The following SLC9B1 variants were observed in gnomAD, a reference collection of about 807,000 sequenced individuals.
The protein encoded by SLC9B1 is solute carrier family 9 member B1, also known as sodium/hydrogen exchanger 9B1.
Under a neutral mutation model 51.7 loss-of-function variants are expected in SLC9B1, and 32 were observed. The ratio of observed to expected loss-of-function variants is 0.62; its 90% CI spans 0.47 to 0.83. SLC9B1 has a LOEUF of 0.83. Among genes scored for constraint, SLC9B1 ranks in the 40% least tolerant of loss-of-function variants. The probability of loss-of-function intolerance (pLI) is 0.00; values close to 1 mark genes in which losing one functional copy is unlikely to be tolerated. For missense variants in SLC9B1, 406 were observed against 613.2 expected (o/e 0.66, Z 3.57); for synonymous variants, 145 against 212.7 (o/e 0.68, Z 2.77).
chr4:102,902,377 G>A (rs933534266), intron 11 of SLC9B1, among the ~76,000 whole-genome samples: 1 of 152,058 alleles, frequency 6.6e-6, no homozygotes, highest in African/African-American at 2.4e-5. Flanking sequence ...ATTTAAAATG[G>A]TATCATTTTT....
At chr4:102,945,599 A>C (rs1737228492) in intron 5 of SLC9B1, among the ~76,000 whole-genome samples, 1 of 152,072 alleles carries the variant, frequency 6.6e-6, no homozygotes, top group Non-Finnish European at 1.5e-5. Flanking sequence ...ACCTTCCTGA[A>C]CTTTCCTAAT....
chr4:102,975,906 A>G (rs1227204443), intron 3 of SLC9B1, among the ~76,000 whole-genome samples: 1 of 152,130 alleles, frequency 6.6e-6, no homozygotes. Context: ...CATAAATATG[A>G]TATCTTGGAC....
chr4:102,922,373 G>C (rs555548460), intron 7 of SLC9B1, among the ~76,000 whole-genome samples: 1 of 152,034 alleles, frequency 6.6e-6, no homozygotes, highest in African/African-American at 2.4e-5. Flanking sequence ...GAGAACAAAG[G>C]CACAATGTAC....
intron 1 of SLC9B1, among the ~76,000 whole-genome samples, chr4:103,010,914 C>T (rs1056517353): frequency 6.6e-6 from 1 of 152,166 alleles, no homozygotes; most frequent in Non-Finnish European, 1.5e-5. Flanking sequence ...CCTTCCCCCA[C>T]AACAAATTCA....
chr4:102,991,494 AC>A (rs1739936659), intron 2 of SLC9B1, 148 bp downstream of exon 2: 10 of 493,506 alleles, frequency 2.0e-5, no homozygotes, highest in Non-Finnish European at 3.1e-5. Context: ...ATTTCCTAGG[AC>A]CCATTACAAC....
rs1578344758 is a variant in SLC9B1, at chr4:102,918,498, G to A, written c.830-6961C>T. The stretch of plus-strand genomic sequence containing the variant: ...ATAACAAAACAACATAATGAGAAAC[G>A]GTCAGTTGACTTTGCTATGGTCCAA... On this transcript the variant is annotated intron_variant, in intron 7 of 11. Coordinates refer to ENST00000296422, the MANE Select transcript of SLC9B1 (RefSeq NM_139173.4). 2.0e-5 allele frequency among the ~76,000 whole-genome samples: 3 copies of A among 152,104 alleles called. No individual in the cohort carries two copies. The South Asian group carries it at 6.2e-4, about 32-fold the overall frequency.
chr4:102,968,477 G>T (rs554349380), intron 3 of SLC9B1, among the ~76,000 whole-genome samples: 63 of 152,276 alleles, frequency 4.1e-4, no homozygotes, highest in Non-Finnish European at 6.6e-4. Context: ...TTCCATAAAA[G>T]AAAAACTGGT....
intron 1 of SLC9B1, among the ~76,000 whole-genome samples, chr4:103,006,869 A>G (rs1374510152): frequency 6.6e-6 from 1 of 152,258 alleles, no homozygotes; most frequent in Non-Finnish European, 1.5e-5. Flanking sequence ...CATAATTAGA[A>G]CTAAACCCCA....
chr4:102,969,050 G>T (rs1738596586), intron 3 of SLC9B1, among the ~76,000 whole-genome samples: 1 of 152,232 alleles, frequency 6.6e-6, no homozygotes. Context: ...ACTGGGTGGA[G>T]CTCACTGCAG....
intron 6 of SLC9B1, among the ~76,000 whole-genome samples, chr4:102,937,688 C>T (rs545349923): frequency 2.8e-4 from 35 of 122,876 alleles, no homozygotes; most frequent in Admixed American, 4.1e-4. Flanking sequence ...AGCACCACTG[C>T]ACTCCAGCCT....
At chr4:102,989,020 C>T (rs1269406271) in intron 3 of SLC9B1, among the ~76,000 whole-genome samples, 1 of 151,986 alleles carries the variant, frequency 6.6e-6, no homozygotes, top group Non-Finnish European at 1.5e-5. Context: ...CTTACACTGG[C>T]AGATGAGGAC....
intron 7 of SLC9B1, among the ~76,000 whole-genome samples, chr4:102,928,701 C>T (rs1048041027): frequency 6.6e-6 from 1 of 151,944 alleles, no homozygotes; most frequent in African/African-American, 2.4e-5. Flanking sequence ...TTGAATCACA[C>T]CATCACAAAG....
At chr4:102,914,984 G>A (rs1013094912) in intron 7 of SLC9B1, among the ~76,000 whole-genome samples, 1 of 151,942 alleles carries the variant, frequency 6.6e-6, no homozygotes, top group Non-Finnish European at 1.5e-5. Flanking sequence ...ATTTTGAAAG[G>A]AACAGGATCA....
intron 1 of SLC9B1, among the ~76,000 whole-genome samples, chr4:103,002,427 T>C (rs1393491824): frequency 1.3e-5 from 2 of 152,208 alleles, no homozygotes; most frequent in African/African-American, 4.8e-5. Flanking sequence ...TAAGAATTTA[T>C]AGGCTAACAT....
intron 7 of SLC9B1, among the ~76,000 whole-genome samples, chr4:102,928,937 T>C (rs1372880407): frequency 6.6e-6 from 1 of 152,128 alleles, no homozygotes; most frequent in Non-Finnish European, 1.5e-5. Context: ...GGGAGAAAGA[T>C]GAGGGCCAGA....
chr4:102,918,442 A>G (rs1735697661), intron 7 of SLC9B1, among the ~76,000 whole-genome samples: 2 of 152,246 alleles, frequency 1.3e-5, no homozygotes, highest in Admixed American at 1.3e-4. Flanking sequence ...TAAGGGGTTA[A>G]TATCTAAAAT....
rs1419052634 is a variant in SLC9B1, at chr4:102,970,339, T to A, written c.211+19461A>T. ...AGAGAGTGGGTGCCAATATTCAATATTCTTAAAGAAAAGAATTTTCAACTC... is the reference window on the plus strand; with the variant it reads ...AGAGAGTGGGTGCCAATATTCAATAATCTTAAAGAAAAGAATTTTCAACTC... On this transcript the variant is annotated intron_variant, in intron 3 of 11. Coordinates refer to ENST00000296422, the MANE Select transcript of SLC9B1 (RefSeq NM_139173.4). Among the ~76,000 whole-genome samples the A allele has an allele frequency of 4.6e-5, 7 of 152,324 alleles. No homozygotes were observed. In the East Asian group the frequency reaches 1.3e-3, roughly 29 times the overall value.
At chr4:102,890,806 C>CAA (rs1327456037) in intron 11 of SLC9B1, 2 of 128,350 alleles carry the variant, frequency 1.6e-5, no homozygotes, top group African/African-American at 6.5e-5. Context: ...TGCCACTGCA[C>CAA]TCCAGCCTGG....
chr4:102,902,437 C>T (rs1734833945), intron 11 of SLC9B1, among the ~76,000 whole-genome samples: 1 of 151,824 alleles, frequency 6.6e-6, no homozygotes, highest in African/African-American at 2.4e-5. Context: ...CTGGAGGATG[C>T]TAGGGAGAAA....
Sources: allele counts gnomAD v4.1 joint callset (sites outside exome capture counted in the v4.1 genomes callset), GRCh38; gene constraint gnomAD v4.1.1; transcripts MANE v1.5; gene names NCBI Gene and HGNC (gene_info 2026-07-23, HGNC 2026-07-21).